STIM1: variants seen among roughly 807,000 people sequenced by gnomAD.
STIM1 encodes stromal interaction molecule 1.
A neutral mutation model predicts 74.7 loss-of-function variants in STIM1; 25 were observed. The ratio of observed to expected loss-of-function variants is 0.33; its 90% CI spans 0.24 to 0.47. The LOEUF is 0.47. Among genes scored for constraint, STIM1 ranks in the 20% least tolerant of loss-of-function variants. The pLI is 1.00. For missense variants in STIM1, 728 were observed against 920.8 expected (o/e 0.79, Z 2.71); for synonymous variants, 328 against 348.8 (o/e 0.94, Z 0.66).
At position 3,857,847 on chromosome 11, in the gene STIM1, G is replaced by A. The variant is rs118150959; in HGVS notation, c.139+1438G>A. The stretch of plus-strand genomic sequence containing the variant: ...AAGTTCCAGATGTTCCAAGAGGTCT[G>A]GTTTCCAAATGAGGCCAGGGTTGCC... On this transcript the variant is annotated intron_variant, in intron 1 of 12. Coordinates refer to ENST00000526596, the MANE Select transcript of STIM1 (RefSeq NM_001382567.1). 4.2e-3 allele frequency among the ~76,000 whole-genome samples: 638 copies of A among 152,276 alleles called. 1 individual carries two copies. The highest frequency in any genetic ancestry group is 6.2e-3 in the Non-Finnish European group (423 of 68,006).
intron 1 of STIM1, among the ~76,000 whole-genome samples, chr11:3,920,401 C>G (rs1016826975): frequency 1.3e-5 from 2 of 152,188 alleles, no homozygotes; most frequent in Non-Finnish European, 2.9e-5. Flanking sequence ...CATTAGTCTA[C>G]TTTCTGTCTC....
At chr11:3,892,348 G>T in intron 1 of STIM1, 1 of 1,166,924 alleles carries the variant, frequency 8.6e-7, no homozygotes, top group Non-Finnish European at 1.3e-6. Context: ...CTGACCTACA[G>T]AAGGAATGGT....
intron 1 of STIM1, among the ~76,000 whole-genome samples, chr11:3,887,751 G>A (rs374038686): frequency 6.6e-6 from 1 of 151,996 alleles, no homozygotes; most frequent in Admixed American, 6.6e-5. Flanking sequence ...GGCGGATCAC[G>A]AGGTCAGGAG....
chr11:4,029,015 A>G (rs377166261), intron 3 of STIM1, among the ~76,000 whole-genome samples: 5 of 151,864 alleles, frequency 3.3e-5, no homozygotes. Flanking sequence ...GTGAAACCCC[A>G]TCTCTACTAA....
intron 2 of STIM1, among the ~76,000 whole-genome samples, chr11:3,968,240 G>A (rs1554961661): frequency 6.6e-6 from 1 of 152,172 alleles, no homozygotes; most frequent in Non-Finnish European, 1.5e-5. Context: ...AAGCTCTATT[G>A]TTGTTTCATC....
At chr11:4,061,852 A>G (rs2094333207) in intron 5 of STIM1, among the ~76,000 whole-genome samples, 1 of 152,224 alleles carries the variant, frequency 6.6e-6, no homozygotes, top group Non-Finnish European at 1.5e-5. Context: ...GAACCTGGAA[A>G]ACATTATGCT....
intron 1 of STIM1, among the ~76,000 whole-genome samples, chr11:3,959,768 G>T (rs66503725): frequency 3.8e-4 from 57 of 151,878 alleles, no homozygotes; most frequent in Non-Finnish European, 1.8e-4. Context: ...TGGCAGCAAG[G>T]CCTTTTCAGG....
chr11:3,938,959 AG>A (rs777381709), intron 1 of STIM1, among the ~76,000 whole-genome samples: 44 of 152,300 alleles, frequency 2.9e-4, no homozygotes, highest in East Asian at 1.7e-3. Flanking sequence ...CCTTTCTCCT[AG>A]GAGGGACTCT....
Position 4,055,560 on chromosome 11 carries a change from G to A in STIM1, c.420G>A (p.Trp140Ter). The change falls in exon 4 of 13, where the codon TGG (tryptophan) becomes TGA (stop). Residue 140 changes from tryptophan to a stop codon, truncating the protein, a stop_gained. Coordinates refer to ENST00000526596, the MANE Select transcript of STIM1 (RefSeq NM_001382567.1). LOFTEE classifies it high-confidence loss of function. ...YNWTVDEVVQWLITYVELPQY... is the reference protein window; with the variant it reads ...YNWTVDEVVQ Reference sequence around the variant, plus strand: ...GGACCGTGGATGAGGTGGTACAGTGGCTGATCACATATGTGGAGCTGCCTC... The same window carrying A: ...GGACCGTGGATGAGGTGGTACAGTGACTGATCACATATGTGGAGCTGCCTC... The A allele has an allele frequency of 6.2e-7, 1 of 1,601,276 alleles. No homozygotes were observed. The highest frequency in any genetic ancestry group is 8.5e-7 in the Non-Finnish European group (1 of 1,174,984).
rs772427441 is a variant in STIM1, at chr11:4,070,077, T to C, written c.665T>C (p.Ile222Thr). The part of the protein sequence containing the change: ...KDFMLVVSIV[I>T]GVGGCWFAYI... ...TTCATGCTGGTGGTGTCTATCGTTA[T>C]TGGTGTGGGCGGCTGCTGGTTTGCC... The change falls in exon 6 of 13, where the codon ATT becomes ACT. Residue 222 changes from isoleucine (I) to threonine (T), a missense_variant. By Grantham distance (89) the Ile-to-Thr change is moderately conservative. This residue lies in a region of STIM1 where 132 missense variants were observed against 158.2 expected (regional missense o/e 0.83). Coordinates refer to ENST00000526596, the MANE Select transcript of STIM1 (RefSeq NM_001382567.1). The C allele has an allele frequency of 6.2e-6, 10 of 1,614,218 alleles. No homozygotes were observed. Among genetic ancestry groups the C allele is most frequent in the Non-Finnish European group, 5.9e-6 (7 of 1,180,038 alleles).
intron 11 of STIM1, among the ~76,000 whole-genome samples, chr11:4,085,329 G>A (rs1272070117): frequency 6.6e-6 from 1 of 152,126 alleles, no homozygotes; most frequent in African/African-American, 2.4e-5. Flanking sequence ...TAGAATGCAG[G>A]GAAGCTTATC....
chr11:4,068,746 G>A (rs7123124), intron 5 of STIM1, among the ~76,000 whole-genome samples: 7,054 of 152,222 alleles, frequency 0.046, 515 homozygotes, highest in African/African-American at 0.15. Context: ...ATCTGTCTTT[G>A]ATCCCATCTC....
intron 2 of STIM1, among the ~76,000 whole-genome samples, chr11:4,018,538 G>A (rs199644296): frequency 6.7e-6 from 1 of 149,784 alleles, no homozygotes. Context: ...CCAGCTACTC[G>A]GGAGGCTGAG....
chr11:3,971,981 G>GC (rs1268099443), intron 2 of STIM1, among the ~76,000 whole-genome samples: 1 of 152,204 alleles, frequency 6.6e-6, no homozygotes, highest in Non-Finnish European at 1.5e-5. Flanking sequence ...TTGTGGGACA[G>GC]CATGGATGAC....
intron 1 of STIM1, chr11:3,887,984 A>AT (rs147807246): frequency 0.24 from 36,318 of 149,264 alleles, 5,135 homozygotes; most frequent in South Asian, 0.4. Flanking sequence ...AAAAAAAAAA[A>AT]AAATAGGACA....
At chr11:4,005,496 C>A (rs370586708) in intron 2 of STIM1, among the ~76,000 whole-genome samples, 3 of 147,792 alleles carry the variant, frequency 2.0e-5, no homozygotes, top group African/African-American at 7.5e-5. Context: ...AACCAAACAC[C>A]GCATGTTCTC....
chr11:3,914,651 A>G (rs2092616572), intron 1 of STIM1, among the ~76,000 whole-genome samples: 1 of 152,168 alleles, frequency 6.6e-6, no homozygotes, highest in South Asian at 2.1e-4. Context: ...CATATTGGCC[A>G]GGATGGTCTC....
chr11:3,931,434 C>T (rs1292192243), intron 1 of STIM1, among the ~76,000 whole-genome samples: 2 of 152,236 alleles, frequency 1.3e-5, no homozygotes, highest in East Asian at 1.9e-4. Flanking sequence ...GATGTCACTC[C>T]TTGGTAACCA....
At chr11:3,878,448 A>G (rs1418185361) in intron 1 of STIM1, among the ~76,000 whole-genome samples, 1 of 152,162 alleles carries the variant, frequency 6.6e-6, no homozygotes, top group Non-Finnish European at 1.5e-5. Flanking sequence ...TGAAAAGCAC[A>G]TATGAAGTTT....
Sources: allele counts gnomAD v4.1 joint callset (sites outside exome capture counted in the v4.1 genomes callset), GRCh38; gene constraint gnomAD v4.1.1; regional missense constraint gnomAD v4.1.1; transcripts MANE v1.5; gene names NCBI Gene and HGNC (gene_info 2026-07-23, HGNC 2026-07-21).